ATOSA: variants seen among roughly 807,000 people sequenced by gnomAD.
ATOSA encodes atos homolog A.
At chr15:52,651,911 G>T in the ATOSA span, 2 of 1,535,408 alleles carry the variant, frequency 1.3e-6, no homozygotes, top group Non-Finnish European at 8.7e-7. Flanking sequence ...AACCATACTG[G>T]AATCCTTGTA....
chr15:52,645,602 T>A, the ATOSA span, among the ~76,000 whole-genome samples: 2 of 152,224 alleles, frequency 1.3e-5, no homozygotes, highest in South Asian at 2.1e-4. Context: ...TAGTCAGTGT[T>A]ATCGAGAAAA....
At chr15:52,644,992 G>A in the ATOSA span, among the ~76,000 whole-genome samples, 3 of 152,338 alleles carry the variant, frequency 2.0e-5, no homozygotes, top group African/African-American at 2.4e-5. Flanking sequence ...AAGGCTAGAA[G>A]AGTAGAAAAA....
chr15:52,619,771 C>T, the ATOSA span, among the ~76,000 whole-genome samples: 2 of 151,348 alleles, frequency 1.3e-5, no homozygotes, highest in African/African-American at 2.4e-5. Flanking sequence ...GTGTAGGTTG[C>T]AGTGAACTGA....
At chr15:52,708,287 A>G in the ATOSA span, among the ~76,000 whole-genome samples, 1 of 152,110 alleles carries the variant, frequency 6.6e-6, no homozygotes, top group African/African-American at 2.4e-5. Context: ...ACTTTCCTTC[A>G]GGTTCCAAAA....
chr15:52,589,917 A>T, the ATOSA span, among the ~76,000 whole-genome samples: 1 of 151,562 alleles, frequency 6.6e-6, no homozygotes. Flanking sequence ...CCTCCCGAGT[A>T]GCTGGGATTA....
chr15:52,696,295 C>G, the ATOSA span, among the ~76,000 whole-genome samples: 2 of 152,146 alleles, frequency 1.3e-5, no homozygotes, highest in Non-Finnish European at 2.9e-5. Flanking sequence ...CCCCTACACA[C>G]CCTGCAATAT....
At chr15:52,693,593 A>G in the ATOSA span, among the ~76,000 whole-genome samples, 2 of 152,224 alleles carry the variant, frequency 1.3e-5, no homozygotes, top group African/African-American at 4.8e-5. Context: ...ACTATCACTT[A>G]GAAATAAATC....
chr15:52,616,867 T>C, the ATOSA span, among the ~76,000 whole-genome samples: 1 of 152,180 alleles, frequency 6.6e-6, no homozygotes, highest in African/African-American at 2.4e-5. Flanking sequence ...AAAAAGTAGT[T>C]GCCTGATTCC....
chr15:52,591,392 G>A, the ATOSA span, among the ~76,000 whole-genome samples: 8 of 152,016 alleles, frequency 5.3e-5, no homozygotes, highest in African/African-American at 1.9e-4. Flanking sequence ...CACCATGCTC[G>A]GCTAATTTTT....
At chr15:52,678,342 G>C in the ATOSA span, 1 of 513,342 alleles carries the variant, frequency 1.9e-6, no homozygotes, top group Non-Finnish European at 3.5e-6. Flanking sequence ...GTGTCCTTCT[G>C]ACACAGTCTC....
the ATOSA span, among the ~76,000 whole-genome samples, chr15:52,681,585 A>C: frequency 6.6e-6 from 1 of 152,216 alleles, no homozygotes; most frequent in African/African-American, 2.4e-5. Flanking sequence ...ACCTCAGAGC[A>C]CATAAACAGA....
chr15:52,610,554 G>A, the ATOSA span, among the ~76,000 whole-genome samples: 8 of 152,242 alleles, frequency 5.3e-5, no homozygotes, highest in Non-Finnish European at 1.0e-4. Context: ...TAAAACCAAT[G>A]TAAGTGATAT....
the ATOSA span, among the ~76,000 whole-genome samples, chr15:52,608,150 A>G: frequency 1.3e-5 from 2 of 152,000 alleles, no homozygotes; most frequent in Admixed American, 1.3e-4. Flanking sequence ...TTGGCCTCCC[A>G]AAGTGTTGCA....
the ATOSA span, chr15:52,678,042 C>G: frequency 6.2e-7 from 1 of 1,614,006 alleles, no homozygotes; most frequent in Non-Finnish European, 8.5e-7. Flanking sequence ...AATTTTCGCC[C>G]AGAGTGCTGT....
chr15:52,610,466 A>G, the ATOSA span: 2 of 1,400,760 alleles, frequency 1.4e-6, no homozygotes, highest in Non-Finnish European at 1.9e-6. Context: ...AATGTAAAGC[A>G]GTCATACACT....
At chr15:52,618,261 G>A in the ATOSA span, among the ~76,000 whole-genome samples, 2 of 152,040 alleles carry the variant, frequency 1.3e-5, no homozygotes, top group African/African-American at 2.4e-5. Context: ...GCATGGTCTC[G>A]ATCTCCTTAC....
chr15:52,615,509 A>C, the ATOSA span, among the ~76,000 whole-genome samples: 2 of 152,206 alleles, frequency 1.3e-5, no homozygotes, highest in African/African-American at 4.8e-5. Flanking sequence ...TTTACAATTC[A>C]AAGAATTTTA....
the ATOSA span, chr15:52,678,333 T>A: frequency 1.8e-6 from 1 of 544,336 alleles, no homozygotes; most frequent in Non-Finnish European, 3.3e-6. Context: ...CAGGCCAATG[T>A]GTCCTTCTGA....
chr15:52,626,149 A>G, the ATOSA span, among the ~76,000 whole-genome samples: 1 of 152,192 alleles, frequency 6.6e-6, no homozygotes, highest in East Asian at 1.9e-4. Context: ...CAGAATCCTA[A>G]ATTTGTAAAA....
Sources: allele counts gnomAD v4.1 joint callset (sites outside exome capture counted in the v4.1 genomes callset), GRCh38; gene constraint gnomAD v4.1.1; transcripts MANE v1.5; gene names NCBI Gene and HGNC (gene_info 2026-07-23, HGNC 2026-07-21).